MAGI3: variants seen among roughly 807,000 people sequenced by gnomAD.
MAGI3 encodes membrane-associated guanylate kinase, WW and PDZ domain-containing protein 3.
In MAGI3, 43 loss-of-function variants were observed where a neutral mutation model predicts 121.8. The ratio of observed to expected loss-of-function variants is 0.35; its 90% CI spans 0.28 to 0.46. The LOEUF (loss-of-function observed/expected upper bound fraction) is 0.46, where lower values mean the gene tolerates loss of function less well. Ranked by LOEUF, MAGI3 falls within the 20% of genes least tolerant of loss-of-function variation. The probability of loss-of-function intolerance (pLI) is 1.00; values close to 1 mark genes in which losing one functional copy is unlikely to be tolerated. For missense variants in MAGI3, 1,547 were observed against 1,797.3 expected, an observed-to-expected ratio of 0.86 and a Z score of 2.52; for synonymous variants, 553 against 639.3, an observed-to-expected ratio of 0.86 and a Z score of 2.04.
intron 1 of MAGI3, among the ~76,000 whole-genome samples, chr1:113,396,503 G>A (rs1180898419): frequency 6.6e-6 from 1 of 152,048 alleles, no homozygotes; most frequent in Non-Finnish European, 1.5e-5. Flanking sequence ...CTTAGAAGCT[G>A]GTGTTATGAG....
intron 1 of MAGI3, among the ~76,000 whole-genome samples, chr1:113,415,660 A>G (rs1362718544): frequency 1.3e-5 from 2 of 151,978 alleles, no homozygotes; most frequent in African/African-American, 4.8e-5. Context: ...TTAGCATGCA[A>G]ATCTTACAAG....
intron 1 of MAGI3, among the ~76,000 whole-genome samples, chr1:113,513,772 A>G (rs1431130771): frequency 1.3e-5 from 2 of 152,232 alleles, no homozygotes; most frequent in East Asian, 1.9e-4. Context: ...GCCAAAATTG[A>G]CAAATGGGAT....
At chr1:113,582,468 CA>C (rs199590435) in intron 3 of MAGI3, among the ~76,000 whole-genome samples, 1 of 66,716 alleles carries the variant, frequency 1.5e-5, no homozygotes, top group East Asian at 2.2e-4. Context: ...TTATAGGTAT[CA>C]ACATTAATAG....
At chr1:113,682,751 T>C in intron 20 of MAGI3, 146 bp from the exon 21 acceptor site, 2 of 1,410,920 alleles carry the variant, frequency 1.4e-6, no homozygotes, top group East Asian at 2.6e-5. Context: ...TATAGAGAGA[T>C]ATGTTGTAAA....
intron 6 of MAGI3, among the ~76,000 whole-genome samples, chr1:113,600,222 G>A (rs1000365303): frequency 6.6e-6 from 1 of 152,090 alleles, no homozygotes; most frequent in African/African-American, 2.4e-5. Flanking sequence ...TTCTGGCCAG[G>A]GCAATTAGGC....
intron 1 of MAGI3, among the ~76,000 whole-genome samples, chr1:113,431,853 CTT>C (rs1249619914): frequency 1.3e-5 from 2 of 151,950 alleles, no homozygotes; most frequent in Admixed American, 1.3e-4. Context: ...AATTTGGAAA[CTT>C]ATTTTAAAAT....
chr1:113,557,627 G>A (rs768146295), intron 2 of MAGI3, among the ~76,000 whole-genome samples: 3 of 152,150 alleles, frequency 2.0e-5, no homozygotes, highest in Non-Finnish European at 4.4e-5. Flanking sequence ...GGCCGTTTGG[G>A]CTCGTCAACG....
rs906296301 is a variant in MAGI3 at position 113,585,263 on chromosome 1, CA to C, written c.554-123del. On this transcript the variant is annotated intron_variant, in intron 3 of 20. Transcript: ENST00000307546. ...GATTACAAGTGTGAGCCACCATGCC[CA>C]CCCCTATGGTAGATATTTCAAAACT... 2.7e-5 allele frequency: 22 copies of C among 827,950 alleles called. No homozygotes were observed. The Admixed American group carries it at 5.2e-4, about 20-fold the overall frequency. The allele number at this position is 827,950 out of a possible 1,614,324, so 51.3% of individuals were successfully genotyped here. A position where few individuals can be genotyped will look rare whatever the true frequency, so the allele number is the denominator to read the frequency against.
intron 1 of MAGI3, among the ~76,000 whole-genome samples, chr1:113,542,752 T>C (rs1659347653): frequency 6.6e-6 from 1 of 152,074 alleles, no homozygotes; most frequent in South Asian, 2.1e-4. Context: ...CACACACAGG[T>C]ACATACGCGT....
chr1:113,565,847 A>G (rs561898907), intron 2 of MAGI3, among the ~76,000 whole-genome samples: 153 of 151,872 alleles, frequency 1.0e-3, no homozygotes, highest in African/African-American at 3.6e-3. Context: ...TGTGACTACT[A>G]CTCTCCCACA....
intron 2 of MAGI3, among the ~76,000 whole-genome samples, chr1:113,554,741 A>G (rs1183881969): frequency 6.6e-6 from 1 of 152,158 alleles, no homozygotes; most frequent in African/African-American, 2.4e-5. Flanking sequence ...AAGTGCACAG[A>G]TCTAAGAAGC....
chr1:113,577,538 A>G (rs1647729263), intron 2 of MAGI3, among the ~76,000 whole-genome samples: 2 of 151,480 alleles, frequency 1.3e-5, no homozygotes, highest in Non-Finnish European at 2.9e-5. Context: ...ATAAAGATAA[A>G]TTTTATGGAA....
intron 1 of MAGI3, among the ~76,000 whole-genome samples, chr1:113,417,874 C>CA (rs1268540910): frequency 2.0e-5 from 3 of 152,118 alleles, no homozygotes; most frequent in African/African-American, 7.2e-5. Flanking sequence ...TTTTTCTTGT[C>CA]ACCTAGACTC....
intron 2 of MAGI3, among the ~76,000 whole-genome samples, chr1:113,565,304 G>A (rs1660398690): frequency 6.6e-6 from 1 of 152,026 alleles, no homozygotes; most frequent in Non-Finnish European, 1.5e-5. Context: ...CTCATATCGG[G>A]CATTACAAAG....
At chr1:113,525,460 T>A (rs1658406530) in intron 1 of MAGI3, among the ~76,000 whole-genome samples, 1 of 151,984 alleles carries the variant, frequency 6.6e-6, no homozygotes, top group South Asian at 2.1e-4. Context: ...ACATACTGAT[T>A]GAAAGATAAC....
At chr1:113,524,399 A>T (rs1291463520) in intron 1 of MAGI3, among the ~76,000 whole-genome samples, 1 of 152,150 alleles carries the variant, frequency 6.6e-6, no homozygotes, top group African/African-American at 2.4e-5. Flanking sequence ...CCATGAAAAC[A>T]GCCAGGAAGG....
intron 1 of MAGI3, among the ~76,000 whole-genome samples, chr1:113,473,477 C>A (rs927453676): frequency 7.1e-6 from 1 of 140,808 alleles, no homozygotes; most frequent in Non-Finnish European, 1.5e-5. Context: ...CAAGTGATCT[C>A]ATTGTTCAAT....
intron 9 of MAGI3, among the ~76,000 whole-genome samples, chr1:113,639,356 G>A (rs1383529538): frequency 6.6e-6 from 1 of 152,190 alleles, no homozygotes; most frequent in African/African-American, 2.4e-5. Flanking sequence ...GACCGGAGCT[G>A]TTCCTATTCG....
intron 17 of MAGI3, 27 bp from the exon 18 acceptor site, chr1:113,672,588 G>GCACTCTCTTGTAGA: frequency 1.2e-6 from 2 of 1,603,250 alleles, no homozygotes; most frequent in Non-Finnish European, 1.7e-6. Flanking sequence ...TCAGTTCAGA[G>GCACTCTCTTGTAGA]AGTGACTTGA....
Sources: allele counts gnomAD v4.1 joint callset (sites outside exome capture counted in the v4.1 genomes callset), GRCh38; gene constraint gnomAD v4.1.1; transcripts MANE v1.5; gene names NCBI Gene and HGNC (gene_info 2026-07-23, HGNC 2026-07-21).